The following GABRB2 variants were observed in gnomAD, a reference collection of about 807,000 sequenced individuals.
GABRB2 encodes the protein gamma-aminobutyric acid type A receptor subunit beta2, also known as gamma-aminobutyric acid receptor subunit beta-2.
In GABRB2, 16 loss-of-function variants were observed where a neutral mutation model predicts 54.7. The observed-to-expected ratio is 0.29, with a 90% confidence interval of 0.20 to 0.44. The LOEUF is 0.44. GABRB2 is among the 20% of genes least tolerant of loss of function. The pLI is 1.00. For synonymous variants in GABRB2, 244 were observed against 233.8 expected, an observed-to-expected ratio of 1.04 and a Z score of -0.40; for missense variants, 355 against 644.0, an observed-to-expected ratio of 0.55 and a Z score of 4.86.
At chr5:161,301,983 A>T (rs929523693) in intron 9 of GABRB2, among the ~76,000 whole-genome samples, 9 of 152,196 alleles carry the variant, frequency 5.9e-5, no homozygotes, top group Admixed American at 5.2e-4. Flanking sequence ...ATCTGGAATT[A>T]TTGTGCTTAT....
At chr5:161,515,842 A>G (rs940284649) in intron 3 of GABRB2, among the ~76,000 whole-genome samples, 15 of 152,202 alleles carry the variant, frequency 9.9e-5, no homozygotes, top group Non-Finnish European at 1.8e-4. Flanking sequence ...ACAGGTATCA[A>G]AAACAGACAT....
intron 3 of GABRB2, among the ~76,000 whole-genome samples, chr5:161,492,705 T>C (rs1248285326): frequency 6.6e-6 from 1 of 151,530 alleles, no homozygotes; most frequent in African/African-American, 2.4e-5. Flanking sequence ...TGCTCCTTTG[T>C]TACCAGTTTT....
chr5:161,483,679 T>C (rs1346188072), intron 3 of GABRB2, among the ~76,000 whole-genome samples: 2 of 151,976 alleles, frequency 1.3e-5, no homozygotes, highest in African/African-American at 4.8e-5. Flanking sequence ...AACAAACACA[T>C]TGTAACAGAA....
chr5:161,438,710 T>C lies in GABRB2; in HGVS notation c.458+20914A>G, dbSNP rs557213058. On this transcript the variant is annotated intron_variant, in intron 4 of 9. Coordinates refer to ENST00000393959, the MANE Select transcript of GABRB2 (RefSeq NM_001371727.1). ...GAATTTAACAAAGAGATCAAAATAA[T>C]GAAAAAAGTGTCAAGCAAAAATTGA... Among the ~76,000 whole-genome samples, 3 of 151,782 alleles carry C rather than the reference T, an allele frequency of 2.0e-5. No individual in the cohort carries two copies. In the South Asian group the frequency reaches 6.3e-4, roughly 32 times the overall value.
chr5:161,511,865 C>T (rs957992517), intron 3 of GABRB2, among the ~76,000 whole-genome samples: 1 of 151,950 alleles, frequency 6.6e-6, no homozygotes, highest in African/African-American at 2.4e-5. Flanking sequence ...ACCTTCCTAA[C>T]CTCACTTTAA....
At chr5:161,438,300 T>G (rs766830355) in intron 4 of GABRB2, among the ~76,000 whole-genome samples, 2 of 152,160 alleles carry the variant, frequency 1.3e-5, no homozygotes, top group Non-Finnish European at 2.9e-5. Context: ...ACGATCAAAG[T>G]GGTACCTTTA....
chr5:161,410,849 C>T (rs1756491328), intron 5 of GABRB2, 126 bp downstream of exon 5: 1 of 638,756 alleles, frequency 1.6e-6, no homozygotes, highest in Non-Finnish European at 2.7e-6. Flanking sequence ...CTTCCCTCAA[C>T]CAAATTTAGT....
intron 3 of GABRB2, among the ~76,000 whole-genome samples, chr5:161,463,380 CAGAG>C (rs1758172882): frequency 1.3e-5 from 2 of 149,256 alleles, no homozygotes; most frequent in Non-Finnish European, 3.0e-5. Context: ...CCTCAATAAA[CAGAG>C]AGAGATATTT....
intron 3 of GABRB2, among the ~76,000 whole-genome samples, chr5:161,510,687 G>A (rs1290391350): frequency 6.6e-6 from 1 of 151,880 alleles, no homozygotes; most frequent in Non-Finnish European, 1.5e-5. Context: ...CCAGGCTGTA[G>A]TGCAATGGCA....
chr5:161,327,586 T>TTTA (rs1218983619), intron 8 of GABRB2, among the ~76,000 whole-genome samples: 1 of 152,062 alleles, frequency 6.6e-6, no homozygotes, highest in East Asian at 1.9e-4. Context: ...AAAACAAACA[T>TTTA]TTAAGAGACG....
chr5:161,459,329 G>C (rs973282033), intron 4 of GABRB2: 19 of 370,112 alleles, frequency 5.1e-5, no homozygotes, highest in Non-Finnish European at 2.0e-5. Context: ...GTATTTTAAA[G>C]AAACCCTATG....
chr5:161,479,290 G>C (rs1336814051), intron 3 of GABRB2, among the ~76,000 whole-genome samples: 2 of 151,980 alleles, frequency 1.3e-5, no homozygotes, highest in Non-Finnish European at 2.9e-5. Flanking sequence ...AGGATTGTCA[G>C]GGTTGAAGTG....
intron 3 of GABRB2, among the ~76,000 whole-genome samples, chr5:161,498,740 A>G (rs1429715148): frequency 6.6e-6 from 1 of 152,212 alleles, no homozygotes; most frequent in Non-Finnish European, 1.5e-5. Flanking sequence ...ACACACCACA[A>G]TATAAGCCCA....
chr5:161,511,330 T>C (rs970711930), intron 3 of GABRB2, among the ~76,000 whole-genome samples: 5 of 151,980 alleles, frequency 3.3e-5, no homozygotes, highest in African/African-American at 9.7e-5. Context: ...TTGTAAAATA[T>C]ACAATCTTTG....
At chr5:161,331,153 T>C (rs1450953930) in intron 7 of GABRB2, 26 bp from the exon 8 acceptor site, 4 of 1,523,562 alleles carry the variant, frequency 2.6e-6, no homozygotes, top group Non-Finnish European at 3.5e-6. Context: ...AGAGTTAGAG[T>C]AATAATGTTC....
chr5:161,414,719 C>T (rs1756614297), intron 4 of GABRB2, among the ~76,000 whole-genome samples: 2 of 150,896 alleles, frequency 1.3e-5, no homozygotes, highest in South Asian at 2.1e-4. Context: ...CTACCAACCC[C>T]AAATAAAAAA....
chr5:161,516,594 A>G (rs1759956323), intron 3 of GABRB2, among the ~76,000 whole-genome samples: 1 of 152,216 alleles, frequency 6.6e-6, no homozygotes, highest in Non-Finnish European at 1.5e-5. Flanking sequence ...GTTGTTTTTG[A>G]TATGCCACAC....
chr5:161,514,886 C>A (rs968864388), intron 3 of GABRB2, among the ~76,000 whole-genome samples: 1 of 152,156 alleles, frequency 6.6e-6, no homozygotes, highest in Non-Finnish European at 1.5e-5. Context: ...ACTTTCGTCA[C>A]ATTAAATATA....
At chr5:161,509,811 C>T (rs1016797529) in intron 3 of GABRB2, among the ~76,000 whole-genome samples, 1 of 151,900 alleles carries the variant, frequency 6.6e-6, no homozygotes, top group Admixed American at 6.6e-5. Context: ...TTAGGAAAGG[C>T]CACTATCATC....
Sources: gnomAD v4.1 joint callset for allele counts (sites outside exome capture counted in the v4.1 genomes callset) on GRCh38, gnomAD v4.1.1 for gene constraint, MANE v1.5 for transcripts, NCBI Gene and HGNC (gene_info 2026-07-23, HGNC 2026-07-21) for gene names.